Variants in UNC13C observed in about 807,000 individuals in gnomAD.
The protein encoded by UNC13C is protein unc-13 homolog C.
UNC13C carries 174 observed loss-of-function variants against 245.4 expected under a neutral mutation model. The ratio of observed to expected loss-of-function variants is 0.71; its 90% CI spans 0.63 to 0.80. The LOEUF (loss-of-function observed/expected upper bound fraction) is 0.80. UNC13C is among the 30% of genes least tolerant of loss of function. The pLI, the probability that UNC13C is intolerant of heterozygous loss-of-function variation, is 0.00. For synonymous variants in UNC13C, 992 were observed against 895.1 expected, an observed-to-expected ratio of 1.11 and a Z score of -1.93; for missense variants, 2,829 against 2,602.9, an observed-to-expected ratio of 1.09 and a Z score of -1.89.
chr15:53,963,905 T>G, the UNC13C span, among the ~76,000 whole-genome samples: 1 of 152,196 alleles, frequency 6.6e-6, no homozygotes, highest in East Asian at 1.9e-4. Context: ...GAAACATAAT[T>G]TAGTCAAGCA....
the UNC13C span, among the ~76,000 whole-genome samples, chr15:53,904,337 AT>A: frequency 1.2e-3 from 177 of 152,314 alleles, 1 homozygote; most frequent in African/African-American, 4.2e-3. Flanking sequence ...AAAATAATTT[AT>A]ATACATAAAT....
At chr15:54,598,650 T>C (rs1193789152) in intron 30 of UNC13C, among the ~76,000 whole-genome samples, 2 of 152,170 alleles carry the variant, frequency 1.3e-5, no homozygotes, top group Admixed American at 1.3e-4. Context: ...AGTTGTAAAA[T>C]TGGAGTCAAT....
rs557545789 is a variant in UNC13C, at chr15:54,134,545, G to A, written c.2984-8473G>A. On this transcript the variant is annotated intron_variant, in intron 2 of 32. Coordinates refer to ENST00000260323, the MANE Select transcript of UNC13C (RefSeq NM_001080534.3). ...TTTTGAGACGGGGTCTCGGAGTCTC[G>A]CTGTCTCGCTGTCTCCCAGACTGGA... Among the ~76,000 whole-genome samples, 4 of 151,752 alleles carry A rather than the reference G, an allele frequency of 2.6e-5. No homozygotes were observed. The South Asian group carries it at 8.3e-4, about 32-fold the overall frequency.
chr15:54,394,202 T>C lies in UNC13C; in HGVS notation c.4847+1021T>C, dbSNP rs373462218. 6.6e-5 allele frequency among the ~76,000 whole-genome samples: 10 copies of C among 151,904 alleles called. No homozygotes were observed. The East Asian group carries it at 9.6e-4, about 15-fold the overall frequency. On this transcript the variant is annotated intron_variant, in intron 18 of 32. Coordinates refer to ENST00000260323, the MANE Select transcript of UNC13C (RefSeq NM_001080534.3). Reference sequence around the variant, plus strand: ...ATTTAAGTATTTCAGTCTTCATCCTTTTCTACTTACTATTAACCACCCATT... The same window carrying C: ...ATTTAAGTATTTCAGTCTTCATCCTCTTCTACTTACTATTAACCACCCATT...
intron 17 of UNC13C, among the ~76,000 whole-genome samples, chr15:54,392,815 A>C (rs1487143577): frequency 2.0e-5 from 3 of 151,954 alleles, no homozygotes; most frequent in Non-Finnish European, 4.4e-5. Context: ...AAGCAATGGA[A>C]GTTAAACCAA....
At chr15:54,454,687 A>G (rs1269492074) in intron 19 of UNC13C, among the ~76,000 whole-genome samples, 1 of 151,930 alleles carries the variant, frequency 6.6e-6, no homozygotes, top group East Asian at 1.9e-4. Context: ...AGGTGGAATC[A>G]TACAATTTGT....
intron 1 of UNC13C, among the ~76,000 whole-genome samples, 111 bp from the exon 2 acceptor site, chr15:54,012,537 C>G (rs905485231): frequency 6.6e-6 from 1 of 152,142 alleles, no homozygotes; most frequent in African/African-American, 2.4e-5. Context: ...CTCCTACTTC[C>G]TCTGCAATTT....
the UNC13C span, among the ~76,000 whole-genome samples, chr15:53,955,266 T>TACACACACACACACACAC: frequency 7.0e-4 from 105 of 149,682 alleles, no homozygotes; most frequent in African/African-American, 2.5e-5. Context: ...GACTTTTTCT[T>TACACACACACACACACAC]ACACACACAC....
intron 19 of UNC13C, among the ~76,000 whole-genome samples, chr15:54,478,863 C>G (rs1014574703): frequency 5.7e-4 from 87 of 151,644 alleles, no homozygotes; most frequent in African/African-American, 1.9e-3. Flanking sequence ...TCCTGAGTAT[C>G]CTTGTTAACT....
chr15:54,136,919 G>T (rs142463086), intron 2 of UNC13C, among the ~76,000 whole-genome samples: 4 of 151,868 alleles, frequency 2.6e-5, no homozygotes, highest in African/African-American at 9.7e-5. Flanking sequence ...TAGGCTCACT[G>T]CAGCCTCAAT....
At chr15:54,054,702 T>C (rs1233827627) in intron 2 of UNC13C, among the ~76,000 whole-genome samples, 1 of 152,210 alleles carries the variant, frequency 6.6e-6, no homozygotes, top group Non-Finnish European at 1.5e-5. Context: ...TATAAAGGCA[T>C]ATCACAGTAT....
At chr15:54,040,617 TG>T (rs1195282073) in intron 2 of UNC13C, among the ~76,000 whole-genome samples, 1 of 152,196 alleles carries the variant, frequency 6.6e-6, no homozygotes, top group Non-Finnish European at 1.5e-5. Flanking sequence ...GGTTGAGTTT[TG>T]CTTCCAGGGC....
At chr15:54,541,393 T>A (rs78523950) in intron 26 of UNC13C, among the ~76,000 whole-genome samples, 2,153 of 151,900 alleles carry the variant, frequency 0.014, 19 homozygotes, top group Non-Finnish European at 0.018. Flanking sequence ...TTATAGGGAG[T>A]CAATGAGGCT....
In UNC13C at chr15:54,623,785, T is replaced by TG. The variant is rs779349062; in HGVS notation, c.6200-10_6200-9insG. 49 of 1,572,740 alleles carry TG rather than the reference T, an allele frequency of 3.1e-5. No individual in the cohort carries two copies. Among genetic ancestry groups the TG allele is most frequent in the Non-Finnish European group, 4.2e-5 (49 of 1,161,314 alleles). On this transcript the variant is annotated splice_polypyrimidine_tract_variant and intron_variant, in intron 31 of 32. Transcript: ENST00000260323. ...CTGTTTGCTAAAATGTGATATTTCC[T>TG]TTTTTTTAGTGATTGCTATTAATGA...
intron 4 of UNC13C, among the ~76,000 whole-genome samples, chr15:54,153,999 A>T (rs1040266661): frequency 2.0e-5 from 3 of 152,084 alleles, no homozygotes; most frequent in South Asian, 2.1e-4. Context: ...AAACCAGGGT[A>T]ATTGAAATAC....
At chr15:54,202,453 A>G (rs1304320662) in intron 4 of UNC13C, among the ~76,000 whole-genome samples, 2 of 152,068 alleles carry the variant, frequency 1.3e-5, no homozygotes, top group Non-Finnish European at 2.9e-5. Context: ...ATAGCATAGT[A>G]CTGGTATAAA....
At position 54,257,668 on chromosome 15, in the gene UNC13C, G is replaced by A. The variant is rs532424656; in HGVS notation, c.3449-6500G>A. Among the ~76,000 whole-genome samples the A allele has an allele frequency of 5.8e-4, 89 of 152,242 alleles. 2 individuals carry two copies. In the South Asian group the frequency reaches 0.016, roughly 28 times the overall value. On this transcript the variant is annotated intron_variant, in intron 8 of 32. Coordinates refer to ENST00000260323, the MANE Select transcript of UNC13C (RefSeq NM_001080534.3). ...TACAGGCTCTCACCTACAGGAATGG[G>A]AGATGACGCTATGTTAGATCTGTGA...
chr15:54,131,718 C>G (rs1296148300), intron 2 of UNC13C, among the ~76,000 whole-genome samples: 1 of 152,126 alleles, frequency 6.6e-6, no homozygotes, highest in Non-Finnish European at 1.5e-5. Context: ...TGGAACATAT[C>G]CCCGCAGGAA....
chr15:54,014,045 T>A lies in UNC13C; in HGVS notation c.1142T>A (p.Phe381Tyr). The change falls in exon 2 of 33, where the codon TTT (phenylalanine) becomes TAT (tyrosine). Residue 381 changes from phenylalanine (F) to tyrosine (Y), a missense_variant. Physicochemically the swap from Phe to Tyr is conservative, Grantham distance 22. Transcript: ENST00000260323. ...NAKPRPILVYFETPQQRDSVL... is the reference protein window; with the variant it reads ...NAKPRPILVYYETPQQRDSVL... ...AAGCCTCGACCCATACTTGTGTACTTTGAAACCCCTCAACAAAGGGATTCT... is the reference window on the plus strand; with the variant it reads ...AAGCCTCGACCCATACTTGTGTACTATGAAACCCCTCAACAAAGGGATTCT... The A allele has an allele frequency of 6.2e-7, 1 of 1,613,820 alleles. No individual in the cohort carries two copies. The highest frequency in any genetic ancestry group is 8.5e-7 in the Non-Finnish European group (1 of 1,179,824).
Sources: allele counts gnomAD v4.1 joint callset (sites outside exome capture counted in the v4.1 genomes callset), GRCh38; gene constraint gnomAD v4.1.1; transcripts MANE v1.5; gene names NCBI Gene and HGNC (gene_info 2026-07-23, HGNC 2026-07-21).